The following PCBP3 variants were observed in gnomAD, a reference collection of about 807,000 sequenced individuals.
PCBP3 encodes poly(rC)-binding protein 3.
PCBP3 carries 25 observed loss-of-function variants against 52.7 expected under a neutral mutation model. The observed-to-expected ratio is 0.47, with a 90% CI of 0.35 to 0.66. The LOEUF (loss-of-function observed/expected upper bound fraction) is 0.66. PCBP3 is among the 30% of genes least tolerant of loss of function. The probability of loss-of-function intolerance (pLI) is 0.01; values close to 1 mark genes in which losing one functional copy is unlikely to be tolerated. For synonymous variants in PCBP3, 162 were observed against 183.0 expected (o/e 0.89, Z 0.93); for missense variants, 391 against 490.3 (o/e 0.80, Z 1.91).
At chr21:45,716,375 G>A (rs867473001) in intron 2 of PCBP3, among the ~76,000 whole-genome samples, 8 of 152,126 alleles carry the variant, frequency 5.3e-5, no homozygotes, top group African/African-American at 1.4e-4. Context: ...TAGTCTGCTA[G>A]GGCTGCCATA....
intron 4 of PCBP3, among the ~76,000 whole-genome samples, chr21:45,758,319 A>C (rs1422349477): frequency 6.6e-6 from 1 of 152,150 alleles, no homozygotes; most frequent in Non-Finnish European, 1.5e-5. Flanking sequence ...TTCCATGTGA[A>C]TTTTAGGATC....
At chr21:45,835,215 G>A (rs1162763124) in intron 4 of PCBP3, among the ~76,000 whole-genome samples, 1 of 152,134 alleles carries the variant, frequency 6.6e-6, no homozygotes, top group Admixed American at 6.5e-5. Flanking sequence ...CCCCGGGGGC[G>A]GGGCCTACAC....
chr21:45,851,493 T>C (rs529951704), intron 5 of PCBP3, among the ~76,000 whole-genome samples: 3 of 152,010 alleles, frequency 2.0e-5, no homozygotes, highest in East Asian at 3.9e-4. Context: ...GCCTGGGCCA[T>C]GGAGTGAGAT....
At chr21:45,815,813 AGTGAGTG>A (rs1164240256) in intron 4 of PCBP3, among the ~76,000 whole-genome samples, 69 of 72,646 alleles carry the variant, frequency 9.5e-4, no homozygotes, top group Non-Finnish European at 1.5e-3. Context: ...GTGAGTGGTG[AGTGAGTG>A]GTGAGTGGTG....
intron 5 of PCBP3, among the ~76,000 whole-genome samples, chr21:45,876,383 A>ATGGTCG: frequency 6.6e-6 from 1 of 152,230 alleles, no homozygotes; most frequent in South Asian, 2.1e-4. Flanking sequence ...GGCTATGGTC[A>ATGGTCG]GGAAAATTCA....
At chr21:45,750,415 T>G (rs977819861) in intron 3 of PCBP3, 2 of 74,556 alleles carry the variant, frequency 2.7e-5, no homozygotes, top group Non-Finnish European at 5.8e-5. Flanking sequence ...CCCCCCCTTC[T>G]TCCTGGACTC....
chr21:45,824,321 A>G (rs2093246056), intron 4 of PCBP3, among the ~76,000 whole-genome samples: 1 of 152,202 alleles, frequency 6.6e-6, no homozygotes, highest in African/African-American at 2.4e-5. Context: ...GCTGTGTTTT[A>G]GATCTCATTC....
At chr21:45,756,257 G>T (rs2088033406) in intron 4 of PCBP3, among the ~76,000 whole-genome samples, 1 of 152,172 alleles carries the variant, frequency 6.6e-6, no homozygotes, top group Admixed American at 6.5e-5. Context: ...GCTGGCATCT[G>T]TCTGGACTCT....
At chr21:45,713,636 C>G (rs1289938784) in intron 2 of PCBP3, among the ~76,000 whole-genome samples, 2 of 152,224 alleles carry the variant, frequency 1.3e-5, no homozygotes, top group Non-Finnish European at 2.9e-5. Context: ...GTGCCTGCAC[C>G]TGCTGACGCC....
chr21:45,869,833 T>G (rs915132534), intron 5 of PCBP3, among the ~76,000 whole-genome samples: 5 of 152,224 alleles, frequency 3.3e-5, no homozygotes, highest in African/African-American at 1.2e-4. Context: ...GAGCTGCGTA[T>G]GCATTCCCTC....
In PCBP3 at chr21:45,928,338, C is replaced by T. The variant is rs1427307019; in HGVS notation, c.718-1579C>T. 6.6e-6 allele frequency among the ~76,000 whole-genome samples: 1 copy of T among 152,230 alleles called. No homozygotes were observed. Among genetic ancestry groups the T allele is most frequent in the East Asian group, 1.9e-4 (1 of 5,190 alleles). On this transcript the variant is annotated intron_variant, in intron 13 of 17. Coordinates refer to ENST00000681687, the MANE Select transcript of PCBP3 (RefSeq NM_001384156.1). This position sits in a 1 kb window ranked among gnomAD's most constrained non-coding sequence, Gnocchi z 4.1. ...CGCAGATGCCACAATGCCCTGCCCC[C>T]CAGCCCAGACCTGGCTGCAAGGCCA...
At chr21:45,907,129 C>T (rs142350001) in intron 9 of PCBP3, among the ~76,000 whole-genome samples, 35 of 152,366 alleles carry the variant, frequency 2.3e-4, no homozygotes, top group African/African-American at 6.7e-4. Flanking sequence ...CTCAGTTGTT[C>T]TTTCTGGGGA....
chr21:45,706,235 A>G (rs939836749), intron 2 of PCBP3, among the ~76,000 whole-genome samples: 1 of 152,160 alleles, frequency 6.6e-6, no homozygotes, highest in African/African-American at 2.4e-5. Context: ...TAACCAGGAA[A>G]GTCGAATCTC....
At chr21:45,920,507 A>T (rs1256635201) in intron 13 of PCBP3, among the ~76,000 whole-genome samples, 1 of 152,184 alleles carries the variant, frequency 6.6e-6, no homozygotes, top group Non-Finnish European at 1.5e-5. Flanking sequence ...TGTGGTAATG[A>T]TTTGAGATAC....
chr21:45,716,425 A>G (rs994215228), intron 2 of PCBP3, among the ~76,000 whole-genome samples: 4 of 152,136 alleles, frequency 2.6e-5, no homozygotes, highest in Admixed American at 6.5e-5. Context: ...GCAGAAATGT[A>G]TTTTCTCATA....
chr21:45,672,557 G>A (rs1458637429), intron 2 of PCBP3, among the ~76,000 whole-genome samples: 7 of 151,982 alleles, frequency 4.6e-5, no homozygotes, highest in Non-Finnish European at 1.0e-4. Context: ...AGTTTCATAT[G>A]CCAGTAACTA....
At chr21:45,801,996 G>A (rs1422002424) in intron 4 of PCBP3, among the ~76,000 whole-genome samples, 1 of 152,132 alleles carries the variant, frequency 6.6e-6, no homozygotes, top group African/African-American at 2.4e-5. Context: ...GTTGTCCTGT[G>A]ACACTGACTG....
At chr21:45,709,928 A>G (rs1207414694) in intron 2 of PCBP3, among the ~76,000 whole-genome samples, 2 of 152,158 alleles carry the variant, frequency 1.3e-5, no homozygotes, top group African/African-American at 4.8e-5. Context: ...GGTACTTTGT[A>G]GAATGTGCCT....
chr21:45,841,803 G>A (rs1043064151), intron 4 of PCBP3, among the ~76,000 whole-genome samples: 1 of 152,208 alleles, frequency 6.6e-6, no homozygotes, highest in Non-Finnish European at 1.5e-5. Context: ...CAACCAAGAG[G>A]TCTCTCTGTT....
Sources: gnomAD v4.1 joint callset for allele counts (sites outside exome capture counted in the v4.1 genomes callset) on GRCh38, gnomAD v4.1.1 for gene constraint, Gnocchi (gnomAD v3.1) non-coding constraint, MANE v1.5 for transcripts, NCBI Gene and HGNC (gene_info 2026-07-23, HGNC 2026-07-21) for gene names.